The following PCDHGA10 variants were observed in gnomAD, a reference collection of about 807,000 sequenced individuals.
The protein encoded by PCDHGA10 is protocadherin gamma subfamily A, 10, also known as protocadherin gamma-A10.
PCDHGA10 carries 42 observed loss-of-function variants against 59.5 expected under a neutral mutation model. The observed-to-expected ratio is 0.71, with a 90% CI of 0.55 to 0.91. The LOEUF (loss-of-function observed/expected upper bound fraction) is 0.91, where lower values mean the gene tolerates loss of function less well. Ranked by LOEUF, PCDHGA10 falls within the 40% of genes least tolerant of loss-of-function variation. The pLI is 0.00. For synonymous variants in PCDHGA10, 511 were observed against 517.2 expected, an observed-to-expected ratio of 0.99 and a Z score of 0.16; for missense variants, 1,111 against 1,198.2, an observed-to-expected ratio of 0.93 and a Z score of 1.07.
At chr5:141,475,448 G>C (rs774710049) in intron 1 of PCDHGA10, among the ~76,000 whole-genome samples, 1 of 152,214 alleles carries the variant, frequency 6.6e-6, no homozygotes, top group African/African-American at 2.4e-5. Context: ...CAGATAATGA[G>C]GAAGTGACAG....
chr5:141,428,794 T>C (rs2097161574), intron 1 of PCDHGA10: 1 of 152,852 alleles, frequency 6.5e-6, no homozygotes, highest in African/African-American at 2.4e-5. Context: ...CCTTTCTGTG[T>C]GGGCCAGTAA....
intron 1 of PCDHGA10, chr5:141,479,313 G>C (rs926148640): frequency 2.0e-5 from 3 of 152,456 alleles, no homozygotes; most frequent in Non-Finnish European, 2.9e-5. Context: ...AAAACATAAA[G>C]TAGCCAGACT....
chr5:141,446,634 G>A (rs927873152), intron 1 of PCDHGA10, among the ~76,000 whole-genome samples: 6 of 151,928 alleles, frequency 3.9e-5, no homozygotes, highest in Admixed American at 2.6e-4. Context: ...GCACCACCAC[G>A]CCTGGCTAAT....
chr5:141,418,938 C>A, intron 1 of PCDHGA10: 3 of 1,613,738 alleles, frequency 1.9e-6, no homozygotes, highest in Non-Finnish European at 2.5e-6. Flanking sequence ...ATGGAGGATT[C>A]CCCTCCAGGA....
At chr5:141,482,852 A>G (rs1237049208) in intron 1 of PCDHGA10, among the ~76,000 whole-genome samples, 1 of 144,420 alleles carries the variant, frequency 6.9e-6, no homozygotes, top group Non-Finnish European at 1.5e-5. Flanking sequence ...TGGGCAGATC[A>G]CTTGAGGTCA....
At chr5:141,450,599 G>T (rs569531886) in intron 1 of PCDHGA10, among the ~76,000 whole-genome samples, 11 of 150,286 alleles carry the variant, frequency 7.3e-5, no homozygotes, top group African/African-American at 2.7e-4. Flanking sequence ...CAATTCTCCT[G>T]CCTCAGCCTC....
rs1430647254 is a variant in PCDHGA10 at position 141,477,750 on chromosome 5, C to T, written c.2437-17057C>T. On this transcript the variant is annotated intron_variant, in intron 1 of 3. Coordinates refer to ENST00000398610, the MANE Select transcript of PCDHGA10 (RefSeq NM_018913.3). This position sits in a 1 kb window ranked among gnomAD's most constrained non-coding sequence, Gnocchi z 4.9. ...GCTCATATCAGCGATGGGGGCACCC[C>T]GGTCCTAGCCACCAACATCAGCGTG... 8 of 1,613,772 alleles carry T rather than the reference C, an allele frequency of 5.0e-6. No individual in the cohort carries two copies. Among genetic ancestry groups the T allele is most frequent in the East Asian group, 2.2e-5 (1 of 44,890 alleles).
chr5:141,418,840 C>G, intron 1 of PCDHGA10: 1 of 1,614,006 alleles, frequency 6.2e-7, no homozygotes. Flanking sequence ...GAGGATCTCT[C>G]TCAACACGGT....
At position 141,486,873 on chromosome 5, in the gene PCDHGA10, G is replaced by A. The variant is rs769661146; in HGVS notation, c.2437-7934G>A. On this transcript the variant is annotated intron_variant, in intron 1 of 3. Transcript: ENST00000398610. This position sits in a 1 kb window ranked among gnomAD's most constrained non-coding sequence, Gnocchi z 5.0. ...AATGACAATGCTCCAGCTGTGCTCCGTCCTCGGGCCCGGCCTGGTTCCTTA... is the reference window on the plus strand; with the variant it reads ...AATGACAATGCTCCAGCTGTGCTCCATCCTCGGGCCCGGCCTGGTTCCTTA... 1.6e-5 allele frequency: 26 copies of A among 1,614,082 alleles called. No individual in the cohort carries two copies. Among genetic ancestry groups the A allele is most frequent in the African/African-American group, 4.0e-5 (3 of 74,922 alleles).
chr5:141,418,589 C>T (rs184213052), intron 1 of PCDHGA10: 13 of 1,613,896 alleles, frequency 8.1e-6, no homozygotes, highest in African/African-American at 6.7e-5. Flanking sequence ...AGTGTTCAGC[C>T]AGGACGTGTA....
At position 141,489,644 on chromosome 5, in the gene PCDHGA10, C is replaced by T. The variant is rs1244782345; in HGVS notation, c.2437-5163C>T. 11 of 1,614,070 alleles carry T rather than the reference C, an allele frequency of 6.8e-6. No individual in the cohort carries two copies. The Admixed American group carries it at 1.8e-4, about 27-fold the overall frequency. ...AATGACAACTCTCCTAGCTTTGCCA[C>T]CCCTGAGCGAGAGATGCGCATCTCA... is the stretch of plus-strand genomic sequence containing the variant. On this transcript the variant is annotated intron_variant, in intron 1 of 3. Coordinates refer to ENST00000398610, the MANE Select transcript of PCDHGA10 (RefSeq NM_018913.3). The surrounding 1 kb of genome is among the most constrained non-coding windows in gnomAD (Gnocchi z 4.5).
chr5:141,495,300 C>T (rs1249195819), intron 2 of PCDHGA10, among the ~76,000 whole-genome samples: 1 of 152,204 alleles, frequency 6.6e-6, no homozygotes, highest in Non-Finnish European at 1.5e-5. Context: ...AGCGCCTCCT[C>T]CAGAGCCTCC....
intron 1 of PCDHGA10, among the ~76,000 whole-genome samples, chr5:141,466,558 C>T (rs1407160827): frequency 6.6e-6 from 1 of 152,120 alleles, no homozygotes; most frequent in Non-Finnish European, 1.5e-5. Flanking sequence ...CTGTGGGCTT[C>T]ATCTTCAACA....
At chr5:141,423,712 T>C (rs1231796741) in intron 1 of PCDHGA10, 2 of 1,313,518 alleles carry the variant, frequency 1.5e-6, no homozygotes, top group Admixed American at 3.2e-5. Flanking sequence ...CACAAGTCTT[T>C]TAAGGAGATG....
chr5:141,439,960 T>G (rs1297261423), intron 1 of PCDHGA10: 1 of 152,668 alleles, frequency 6.6e-6, no homozygotes, highest in African/African-American at 2.4e-5. Flanking sequence ...AGATCCGTTA[T>G]TCAGTCCTAG....
chr5:141,510,854 T>A, intron 3 of PCDHGA10, 93 bp from the exon 4 acceptor site: 1 of 1,602,320 alleles, frequency 6.2e-7, no homozygotes, highest in East Asian at 2.2e-5. Context: ...CCCAGGGTGC[T>A]GTATAGGCAT....
At position 141,491,539 on chromosome 5, in the gene PCDHGA10, A is replaced by G; in HGVS notation, c.2437-3268A>G. ...GTACATGGAGGTGACGCTGCGGCCC[A>G]CAGACTCGCAGAGCCACTGCTACAG... On this transcript the variant is annotated intron_variant, in intron 1 of 3. Coordinates refer to ENST00000398610, the MANE Select transcript of PCDHGA10 (RefSeq NM_018913.3). This position sits in a 1 kb window ranked among gnomAD's most constrained non-coding sequence, Gnocchi z 6.9. The G allele has an allele frequency of 6.2e-7, 1 of 1,613,968 alleles. No homozygotes were observed. The highest frequency in any genetic ancestry group is 1.1e-5 in the South Asian group (1 of 91,074).
chr5:141,465,997 C>T (rs1344380021), intron 1 of PCDHGA10, among the ~76,000 whole-genome samples: 1 of 151,918 alleles, frequency 6.6e-6, no homozygotes, highest in Non-Finnish European at 1.5e-5. Context: ...TGGCAGGCAC[C>T]TGTAGTCCCA....
Position 141,415,081 on chromosome 5 carries a change from C to A in PCDHGA10, c.1906C>A (p.Leu636Met). The A allele has an allele frequency of 1.2e-6, 2 of 1,613,522 alleles. No homozygotes were observed. Among genetic ancestry groups the A allele is most frequent in the Non-Finnish European group, 1.7e-6 (2 of 1,179,960 alleles). Residue 636 changes from leucine (L) to methionine (M), a missense_variant, in exon 1 of 4, where the codon CTG becomes ATG. Leu to Met is a conservative substitution (Grantham distance 15, BLOSUM62 2). Coordinates refer to ENST00000398610, the MANE Select transcript of PCDHGA10 (RefSeq NM_018913.3). Reference protein sequence around the residue: ...HTGEVRTARALLDRDALKQSL... With the variant: ...HTGEVRTARAMLDRDALKQSL... ...GGGCGAGGTGCGCACGGCGCGAGCC[C>A]TGCTGGACAGAGACGCGCTCAAGCA...
Sources: allele counts gnomAD v4.1 joint callset (sites outside exome capture counted in the v4.1 genomes callset), GRCh38; gene constraint gnomAD v4.1.1; non-coding constraint Gnocchi (gnomAD v3.1); transcripts MANE v1.5; gene names NCBI Gene and HGNC (gene_info 2026-07-23, HGNC 2026-07-21).